The following EFR3A variants were observed in gnomAD, a reference collection of about 807,000 sequenced individuals.
EFR3A encodes EFR3 homolog A, also known as protein EFR3 homolog A.
A neutral mutation model predicts 104.4 loss-of-function variants in EFR3A; 76 were observed. The observed-to-expected ratio is 0.73, with a 90% CI of 0.60 to 0.88. EFR3A has a LOEUF of 0.88. Among genes scored for constraint, EFR3A ranks in the 40% least tolerant of loss-of-function variants. EFR3A has a pLI of 0.00. For synonymous variants in EFR3A, 330 were observed against 330.0 expected (o/e 1.00, Z 0.00); for missense variants, 985 against 1,012.5 (o/e 0.97, Z 0.37).
At position 131,996,415 on chromosome 8, in the gene EFR3A, G is replaced by A. The variant is rs776329963; in HGVS notation, c.2075G>A (p.Arg692Gln). ...AACAATTTTATTTTAGATGAAGATC[G>A]ACTTTCTAGAAGAAAAAGCATTGTG... is the stretch of plus-strand genomic sequence containing the variant. ...PYVPQVTDEDRLSRRKSIVDT... is the reference protein window; with the variant it reads ...PYVPQVTDEDQLSRRKSIVDT... The change falls in exon 19 of 23, where the codon CGA (arginine) becomes CAA (glutamine). Residue 692 changes from arginine (R) to glutamine (Q), a missense_variant. Physicochemically the swap from Arg to Gln is conservative, Grantham distance 43. Coordinates refer to ENST00000254624, the MANE Select transcript of EFR3A (RefSeq NM_015137.6). 1.7e-5 allele frequency: 27 copies of A among 1,577,238 alleles called. No individual in the cohort carries two copies. In the Middle Eastern group the frequency reaches 5.1e-4, roughly 30 times the overall value.
chr8:131,970,514 C>T lies in EFR3A; in HGVS notation c.1030C>T (p.His344Tyr). The change falls in exon 10 of 23, where the codon CAT becomes TAT. Residue 344 changes from histidine (H) to tyrosine (Y), a missense_variant. His to Tyr is a moderately conservative substitution (Grantham distance 83, BLOSUM62 2). Transcript: ENST00000254624. ...GGAAGTCTTCAATACCCTTTTGAAA[C>T]ATCTGCGTCTCAGCGTTGAATTCGA... ...VLEVFNTLLKHLRLSVEFEAN... is the reference protein window; with the variant it reads ...VLEVFNTLLKYLRLSVEFEAN... The T allele has an allele frequency of 6.2e-7, 1 of 1,613,892 alleles. No homozygotes were observed. Among genetic ancestry groups the T allele is most frequent in the Non-Finnish European group, 8.5e-7 (1 of 1,179,820 alleles).
chr8:131,982,301 T>A (rs1023905664), intron 14 of EFR3A, among the ~76,000 whole-genome samples: 19 of 152,182 alleles, frequency 1.2e-4, no homozygotes, highest in African/African-American at 4.6e-4. Context: ...TAGGTTTTTT[T>A]TAATTCAGCT....
chr8:132,010,740 G>T lies in EFR3A; in HGVS notation c.2361-50G>T. The T allele has an allele frequency of 1.9e-6, 3 of 1,585,032 alleles. No individual in the cohort carries two copies. The South Asian group carries it at 3.4e-5, about 18-fold the overall frequency. On this transcript the variant is annotated intron_variant, in intron 22 of 22. Coordinates refer to ENST00000254624, the MANE Select transcript of EFR3A (RefSeq NM_015137.6). ...TAGTAGATAGAATACTCGGTGAAAT[G>T]AACAGCTTGTAAGTACACCTGCTGA... is the stretch of plus-strand genomic sequence containing the variant.
At chr8:131,928,682 T>C (rs994986901) in intron 1 of EFR3A, among the ~76,000 whole-genome samples, 1 of 152,144 alleles carries the variant, frequency 6.6e-6, no homozygotes, top group African/African-American at 2.4e-5. Context: ...TGATTTATTT[T>C]GGTCACAATA....
At chr8:131,974,137 C>T (rs983520816) in intron 10 of EFR3A, among the ~76,000 whole-genome samples, 2 of 152,104 alleles carry the variant, frequency 1.3e-5, no homozygotes, top group African/African-American at 4.8e-5. Flanking sequence ...TGGACTCCCA[C>T]CCCCAGATAT....
Position 131,939,730 on chromosome 8 carries a change from C to T in EFR3A, c.11-769C>T, listed in dbSNP as rs556991591. 1.8e-3 allele frequency among the ~76,000 whole-genome samples: 280 copies of T among 152,234 alleles called. 2 individuals carry two copies. The highest frequency in any genetic ancestry group is 6.5e-3 in the African/African-American group (272 of 41,568). On this transcript the variant is annotated intron_variant, in intron 1 of 22. Coordinates refer to ENST00000254624, the MANE Select transcript of EFR3A (RefSeq NM_015137.6). ...ATAAGCTTCTTTCATCATTGCAATA[C>T]AGGACCTGGCTCAGTGCTTGTGTGC...
At chr8:131,916,476 G>A (rs1417652323) in intron 1 of EFR3A, among the ~76,000 whole-genome samples, 1 of 152,096 alleles carries the variant, frequency 6.6e-6, no homozygotes, top group Non-Finnish European at 1.5e-5. Flanking sequence ...AAATTGAGAT[G>A]GAAGATGAGT....
Position 131,968,945 on chromosome 8 carries a change from C to T in EFR3A, c.991+515C>T, listed in dbSNP as rs1223358601. Among the ~76,000 whole-genome samples, 5 of 152,140 alleles carry T rather than the reference C, an allele frequency of 3.3e-5. No individual in the cohort carries two copies. The South Asian group carries it at 8.3e-4, about 25-fold the overall frequency. On this transcript the variant is annotated intron_variant, in intron 9 of 22. Transcript: ENST00000254624. ...TAGCCAAATTGTGGACATAGTTCTT[C>T]AGCTGATTAATAGTCCTTAAAGATT...
At chr8:131,979,524 A>G (rs1026478496) in intron 14 of EFR3A, 103 bp downstream of exon 14, 1 of 854,964 alleles carries the variant, frequency 1.2e-6, no homozygotes, top group African/African-American at 1.7e-5. Context: ...AAGCCATAGA[A>G]TTTTGAATTT....
chr8:131,904,287 C>T lies in EFR3A; in HGVS notation c.-26C>T. 7.9e-7 allele frequency: 1 copy of T among 1,270,702 alleles called. No homozygotes were observed. Among genetic ancestry groups the T allele is most frequent in the Non-Finnish European group, 9.9e-7 (1 of 1,006,976 alleles). The allele number at this position is 1,270,702 out of a possible 1,614,324, so 78.7% of individuals were successfully genotyped here. On this transcript the variant is annotated 5_prime_UTR_variant, in exon 1 of 23. Coordinates refer to ENST00000254624, the MANE Select transcript of EFR3A (RefSeq NM_015137.6). ...TGCGCGGCCCCGCTGAGCCTCGGTG[C>T]GGCGGCGAGCGCGGTCGAGATCGCC...
In EFR3A at chr8:131,955,800, C is replaced by G. The variant is rs1818955042; in HGVS notation, c.671C>G (p.Thr224Ser). 3 of 1,613,192 alleles carry G rather than the reference C, an allele frequency of 1.9e-6. No homozygotes were observed. Among genetic ancestry groups the G allele is most frequent in the South Asian group, 1.1e-5 (1 of 90,990 alleles). Reference sequence around the variant, plus strand: ...GGCCCTCCTTCTTCTCCTTCTGCAACTGACAAAGAAGAGAATCCTGCTGTG... The same window carrying G: ...GGCCCTCCTTCTTCTCCTTCTGCAAGTGACAAAGAAGAGAATCCTGCTGTG... Reference protein sequence around the residue: ...RIGPPSSPSATDKEENPAVLA... With the variant: ...RIGPPSSPSASDKEENPAVLA... Residue 224 changes from threonine to serine, a missense_variant, in exon 7 of 23, where the codon ACT becomes AGT. Coordinates refer to ENST00000254624, the MANE Select transcript of EFR3A (RefSeq NM_015137.6).
rs112350895 is a variant in EFR3A at position 131,990,247 on chromosome 8, A to G, written c.2065+2545A>G. Among the ~76,000 whole-genome samples the G allele has an allele frequency of 8.7e-3, 1,321 of 152,360 alleles. 20 individuals carry two copies. Among genetic ancestry groups the G allele is most frequent in the African/African-American group, 0.028 (1,171 of 41,600 alleles). On this transcript the variant is annotated intron_variant, in intron 18 of 22. Transcript: ENST00000254624. Reference sequence around the variant, plus strand: ...ATAGGAAATAAGTTAATTTCATTATATAATTTTTCTCTAAGAAGATAAATA... The same window carrying G: ...ATAGGAAATAAGTTAATTTCATTATGTAATTTTTCTCTAAGAAGATAAATA...
chr8:131,984,567 A>G (rs1438011238), intron 15 of EFR3A, among the ~76,000 whole-genome samples: 1 of 151,884 alleles, frequency 6.6e-6, no homozygotes, highest in Admixed American at 6.6e-5. Flanking sequence ...CACACTTCCT[A>G]CACTGGGGGG....
At chr8:131,954,029 C>T (rs750238854) in intron 6 of EFR3A, 62 bp downstream of exon 6, 1 of 1,374,492 alleles carries the variant, frequency 7.3e-7, no homozygotes, top group Non-Finnish European at 9.6e-7. Flanking sequence ...TGTGTGTTTC[C>T]TAGGATAAGA....
chr8:131,936,589 G>A (rs762789892), intron 1 of EFR3A, among the ~76,000 whole-genome samples: 1 of 151,940 alleles, frequency 6.6e-6, no homozygotes, highest in African/African-American at 2.4e-5. Flanking sequence ...GCCCCAGGTT[G>A]TTTTACCTGT....
chr8:131,965,872 T>C lies in EFR3A; in HGVS notation c.856-2423T>C, dbSNP rs1392361630. 2.6e-5 allele frequency among the ~76,000 whole-genome samples: 4 copies of C among 152,088 alleles called. No individual in the cohort carries two copies. The East Asian group carries it at 7.7e-4, about 29-fold the overall frequency. ...GTGGCACATATACACCATGGAATAC[T>C]ATGCAGCCATAAAAAATGATGAGTT... On this transcript the variant is annotated intron_variant, in intron 8 of 22. Transcript: ENST00000254624.
Position 131,985,061 on chromosome 8 carries a change from G to T in EFR3A, c.1869+1G>T. 2 of 1,611,756 alleles carry T rather than the reference G, an allele frequency of 1.2e-6. No individual in the cohort carries two copies. The highest frequency in any genetic ancestry group is 1.7e-6 in the Non-Finnish European group (2 of 1,178,732). The stretch of plus-strand genomic sequence containing the variant: ...TGCATTTTGCCAGCATGTTAGCAAG[G>T]TAATGTATTTAGAAAAGTCCTTAAA... On this transcript the variant is annotated splice_donor_variant, in intron 16 of 22. Transcript: ENST00000254624. LOFTEE classifies it high-confidence loss of function.
chr8:131,948,502 G>C (rs1818546494), intron 4 of EFR3A, among the ~76,000 whole-genome samples: 1 of 152,088 alleles, frequency 6.6e-6, no homozygotes, highest in Admixed American at 6.6e-5. Context: ...AATATATTGG[G>C]TATTTCCAAG....
At chr8:132,000,168 A>G (rs912728777) in intron 19 of EFR3A, among the ~76,000 whole-genome samples, 2 of 152,000 alleles carry the variant, frequency 1.3e-5, no homozygotes, top group African/African-American at 2.4e-5. Context: ...TTGTTCTGTC[A>G]CCCAGGCTGG....
Sources: allele counts gnomAD v4.1 joint callset (sites outside exome capture counted in the v4.1 genomes callset), GRCh38; gene constraint gnomAD v4.1.1; transcripts MANE v1.5; gene names NCBI Gene and HGNC (gene_info 2026-07-23, HGNC 2026-07-21).